The following GRID1 variants were observed in gnomAD, a reference collection of about 807,000 sequenced individuals.
The protein encoded by GRID1 is glutamate ionotropic receptor delta type subunit 1.
In GRID1, 28 loss-of-function variants were observed where a neutral mutation model predicts 98.0. The ratio of observed to expected loss-of-function variants is 0.29; its 90% CI spans 0.21 to 0.39. GRID1 has a LOEUF of 0.39. Ranked by LOEUF, GRID1 falls within the 10% of genes least tolerant of loss-of-function variation. The probability of loss-of-function intolerance (pLI) is 1.00; values close to 1 mark genes in which losing one functional copy is unlikely to be tolerated. For missense variants in GRID1, 1,111 were observed against 1,340.5 expected (o/e 0.83, Z 2.67); for synonymous variants, 553 against 538.5 (o/e 1.03, Z -0.37).
intron 2 of GRID1, among the ~76,000 whole-genome samples, chr10:86,289,998 C>A (rs573757403): frequency 1.3e-5 from 2 of 152,310 alleles, no homozygotes; most frequent in East Asian, 3.9e-4. Context: ...CGCGAGGGAG[C>A]AAGAAAGAGA....
intron 12 of GRID1, among the ~76,000 whole-genome samples, chr10:85,650,595 A>G (rs1363961404): frequency 1.3e-5 from 2 of 152,246 alleles, no homozygotes; most frequent in African/African-American, 4.8e-5. Context: ...GTGACCAAAC[A>G]ATATGAGATA....
At chr10:85,741,079 C>CTTAACAA (rs1841938690) in intron 8 of GRID1, among the ~76,000 whole-genome samples, 1 of 152,084 alleles carries the variant, frequency 6.6e-6, no homozygotes, top group Non-Finnish European at 1.5e-5. Flanking sequence ...AGGCAGAGAC[C>CTTAACAA]ATCTCTTCTT....
chr10:85,806,175 C>T (rs1842621763), intron 8 of GRID1, among the ~76,000 whole-genome samples: 1 of 151,924 alleles, frequency 6.6e-6, no homozygotes, highest in African/African-American at 2.4e-5. Context: ...AGACACTTCA[C>T]AAAAGAACAC....
At chr10:86,231,827 A>G (rs991287908) in intron 2 of GRID1, among the ~76,000 whole-genome samples, 2 of 152,170 alleles carry the variant, frequency 1.3e-5, no homozygotes, top group Non-Finnish European at 2.9e-5. Context: ...ACCTCTTCAC[A>G]GTAACATGCA....
At chr10:86,176,953 C>T (rs1845583755) in intron 3 of GRID1, among the ~76,000 whole-genome samples, 1 of 151,980 alleles carries the variant, frequency 6.6e-6, no homozygotes. Flanking sequence ...ATGTCACCAG[C>T]CAAGACAAAA....
At chr10:85,826,167 C>T (rs1842817924) in intron 8 of GRID1, among the ~76,000 whole-genome samples, 1 of 151,556 alleles carries the variant, frequency 6.6e-6, no homozygotes, top group Admixed American at 6.6e-5. Context: ...CTCATCTCTA[C>T]TAAAAAAAAA....
At chr10:85,609,931 A>T (rs1164756201) in intron 15 of GRID1, among the ~76,000 whole-genome samples, 1 of 152,254 alleles carries the variant, frequency 6.6e-6, no homozygotes, top group Admixed American at 6.5e-5. Context: ...GTAACTACAT[A>T]ATCGTCTGAT....
At chr10:86,071,962 C>T (rs1197967006) in intron 4 of GRID1, among the ~76,000 whole-genome samples, 3 of 152,064 alleles carry the variant, frequency 2.0e-5, no homozygotes, top group Non-Finnish European at 2.9e-5. Context: ...GAGACACCTG[C>T]GTGAGCAGAT....
intron 3 of GRID1, among the ~76,000 whole-genome samples, chr10:86,167,705 G>T (rs759190917): frequency 1.3e-5 from 2 of 152,180 alleles, no homozygotes; most frequent in African/African-American, 4.8e-5. Context: ...CACCACCACT[G>T]CAGAGTCGGC....
chr10:86,248,522 C>G (rs1416579492), intron 2 of GRID1, among the ~76,000 whole-genome samples: 4 of 150,886 alleles, frequency 2.7e-5, no homozygotes, highest in Admixed American at 2.0e-4. Flanking sequence ...CCCAATCTCT[C>G]TAGACCTCTG....
At chr10:85,631,002 A>C (rs1842970781) in intron 13 of GRID1, among the ~76,000 whole-genome samples, 1 of 152,222 alleles carries the variant, frequency 6.6e-6, no homozygotes, top group African/African-American at 2.4e-5. Flanking sequence ...AGGCTACTAA[A>C]AACAAATTTT....
At chr10:85,798,260 G>T (rs1392288739) in intron 8 of GRID1, among the ~76,000 whole-genome samples, 6 of 152,204 alleles carry the variant, frequency 3.9e-5, no homozygotes. Context: ...TTGCTTTAAG[G>T]AGGCTGAGGC....
intron 3 of GRID1, among the ~76,000 whole-genome samples, chr10:86,147,056 T>G (rs1845099141): frequency 6.6e-6 from 1 of 152,132 alleles, no homozygotes; most frequent in Admixed American, 6.5e-5. Context: ...AGGGCTGCAT[T>G]CAGGTGAGTA....
intron 4 of GRID1, among the ~76,000 whole-genome samples, chr10:86,110,065 C>T (rs1362875415): frequency 6.6e-6 from 1 of 150,422 alleles, no homozygotes. Context: ...CTCTGCCTCT[C>T]GGGTTCAAGC....
intron 4 of GRID1, among the ~76,000 whole-genome samples, chr10:86,011,371 A>G (rs1288564905): frequency 6.6e-6 from 1 of 152,226 alleles, no homozygotes; most frequent in Non-Finnish European, 1.5e-5. Flanking sequence ...AACAATACCT[A>G]GCAAATAATA....
chr10:86,349,944 A>G (rs546549980), intron 2 of GRID1, among the ~76,000 whole-genome samples: 3 of 152,362 alleles, frequency 2.0e-5, no homozygotes, highest in African/African-American at 7.2e-5. Flanking sequence ...GAGGACGCCT[A>G]CAAAGAAGGA....
At chr10:85,604,276 C>T (rs2132502764) in intron 15 of GRID1, among the ~76,000 whole-genome samples, 1 of 152,278 alleles carries the variant, frequency 6.6e-6, no homozygotes, top group African/African-American at 2.4e-5. Context: ...GCTGTCAGTC[C>T]TAGAATCTTT....
chr10:86,274,329 T>G (rs1241123753), intron 2 of GRID1, among the ~76,000 whole-genome samples: 1 of 152,244 alleles, frequency 6.6e-6, no homozygotes, highest in African/African-American at 2.4e-5. Context: ...TAGTATAGTT[T>G]GAAGTCAGAT....
chr10:86,047,969 C>T (rs1284277284), intron 4 of GRID1, among the ~76,000 whole-genome samples: 2 of 152,144 alleles, frequency 1.3e-5, no homozygotes, highest in South Asian at 2.1e-4. Flanking sequence ...GTTTTGTCCT[C>T]ATTGGAAACA....
Sources: allele counts gnomAD v4.1 joint callset (sites outside exome capture counted in the v4.1 genomes callset), GRCh38; gene constraint gnomAD v4.1.1; transcripts MANE v1.5; gene names NCBI Gene and HGNC (gene_info 2026-07-23, HGNC 2026-07-21).